FYN: variants seen among roughly 807,000 people sequenced by gnomAD.
The protein encoded by FYN is tyrosine-protein kinase Fyn.
Under a neutral mutation model 70.2 loss-of-function variants are expected in FYN, and 10 were observed. The ratio of observed to expected loss-of-function variants is 0.14; its 90% CI spans 0.09 to 0.24. The LOEUF (loss-of-function observed/expected upper bound fraction) is 0.24, where lower values mean the gene tolerates loss of function less well. Among genes scored for constraint, FYN ranks in the 10% least tolerant of loss-of-function variants. The pLI, the probability that FYN is intolerant of heterozygous loss-of-function variation, is 1.00. For missense variants in FYN, 319 were observed against 673.1 expected (o/e 0.47, Z 5.82); for synonymous variants, 236 against 248.6 (o/e 0.95, Z 0.48).
At chr6:111,791,801 T>C (rs1207542210) in intron 2 of FYN, among the ~76,000 whole-genome samples, 2 of 152,214 alleles carry the variant, frequency 1.3e-5, no homozygotes, top group Non-Finnish European at 2.9e-5. Context: ...GGCACATTGT[T>C]ATAATAGCCT....
intron 2 of FYN, among the ~76,000 whole-genome samples, chr6:111,815,104 G>C (rs1278662294): frequency 2.6e-5 from 4 of 152,148 alleles, no homozygotes; most frequent in African/African-American, 9.7e-5. Context: ...AACAGAACTA[G>C]CTCATGAAAT....
At chr6:111,746,903 T>C (rs955762253) in intron 3 of FYN, among the ~76,000 whole-genome samples, 3 of 152,068 alleles carry the variant, frequency 2.0e-5, no homozygotes, top group African/African-American at 7.2e-5. Flanking sequence ...GAATCCCTTA[T>C]ATTGTCTTAG....
At chr6:111,862,122 C>T (rs187379099) in intron 1 of FYN, among the ~76,000 whole-genome samples, 58 of 152,278 alleles carry the variant, frequency 3.8e-4, no homozygotes, top group African/African-American at 7.7e-4. Flanking sequence ...ATTGTTCTCT[C>T]GCCCATCATT....
intron 1 of FYN, among the ~76,000 whole-genome samples, chr6:111,853,436 T>C (rs1773741103): frequency 6.6e-6 from 1 of 152,024 alleles, no homozygotes; most frequent in Admixed American, 6.5e-5. Context: ...CATGTCCCCT[T>C]CTGACAAAGA....
Position 111,700,123 on chromosome 6 carries a change from C to T in FYN, c.843G>A (p.Gln281=). 6.2e-7 allele frequency: 1 copy of T among 1,614,114 alleles called. No homozygotes were observed. Among genetic ancestry groups the T allele is most frequent in the Non-Finnish European group, 8.5e-7 (1 of 1,180,002 alleles). ...LQLIKRLGNG[Q]FGEVWMGTWN... ...GCATACCCATCCATACTTCCCCAAA[C>T]TGCCCATTTCCCAGTCTCTTGATCA... Residue 281 remains glutamine, a synonymous_variant, in exon 9 of 14, where the codon CAG becomes CAA. Coordinates refer to ENST00000354650, the MANE Select transcript of FYN (RefSeq NM_002037.5).
rs1247119741 is a variant in FYN, at chr6:111,873,092, C to G, written c.-247G>C. 3 of 147,188 alleles carry G rather than the reference C, an allele frequency of 2.0e-5. No homozygotes were observed. Among genetic ancestry groups the G allele is most frequent in the Non-Finnish European group, 3.0e-5 (2 of 66,082 alleles). 9.1% of individuals were successfully genotyped at this position (147,188 alleles called of 1,614,324 possible). On this transcript the variant is annotated 5_prime_UTR_variant, in exon 1 of 14. Coordinates refer to ENST00000354650, the MANE Select transcript of FYN (RefSeq NM_002037.5). ...GAGCCGGTGGGCCTTCCGAGAGCACCGAGGGGGCGGCGCCGGGGTGTCCCC... is the reference window on the plus strand; with the variant it reads ...GAGCCGGTGGGCCTTCCGAGAGCACGGAGGGGGCGGCGCCGGGGTGTCCCC...
intron 2 of FYN, chr6:111,793,784 C>G (rs1771712887): frequency 6.6e-6 from 1 of 152,208 alleles, no homozygotes; most frequent in South Asian, 2.1e-4. Context: ...TATCATTAGC[C>G]ATGTGCTCCA....
chr6:111,807,106 A>G (rs765352263), intron 2 of FYN, among the ~76,000 whole-genome samples: 1 of 152,196 alleles, frequency 6.6e-6, no homozygotes, highest in South Asian at 2.1e-4. Flanking sequence ...TACTCATTTC[A>G]TGGGCTTATA....
rs1410815859 is a variant in FYN, at chr6:111,660,503, T to C, written c.*1236A>G. On this transcript the variant is annotated 3_prime_UTR_variant, in exon 14 of 14. Transcript: ENST00000354650. ...TTTTGATTTGTTGTTGTTAAACATA[T>C]GTAATTTAAGGTTGGTACAAACAGC... is the stretch of plus-strand genomic sequence containing the variant. The C allele has an allele frequency of 2.6e-5, 4 of 152,242 alleles. No homozygotes were observed. Among genetic ancestry groups the C allele is most frequent in the Non-Finnish European group, 5.9e-5 (4 of 68,032 alleles). The allele number at this position is 152,242 out of a possible 1,614,324, so 9.4% of individuals were successfully genotyped here. A position where few individuals can be genotyped will look rare whatever the true frequency, so the allele number is the denominator to read the frequency against.
intron 6 of FYN, among the ~76,000 whole-genome samples, chr6:111,706,137 G>C (rs1403493832): frequency 6.6e-6 from 1 of 152,106 alleles, no homozygotes; most frequent in African/African-American, 2.4e-5. Context: ...CAAGACTTTT[G>C]TTATTTGCCT....
At chr6:111,767,077 C>T (rs1803253508) in intron 3 of FYN, among the ~76,000 whole-genome samples, 1 of 152,192 alleles carries the variant, frequency 6.6e-6, no homozygotes, top group Non-Finnish European at 1.5e-5. Context: ...AACAGCTGCT[C>T]TCAAATAACC....
At chr6:111,768,313 C>T (rs1803312067) in intron 3 of FYN, among the ~76,000 whole-genome samples, 1 of 152,200 alleles carries the variant, frequency 6.6e-6, no homozygotes, top group Admixed American at 6.5e-5. Flanking sequence ...TACATGTTTA[C>T]TGAGTGAATG....
At chr6:111,728,031 T>C (rs971451754) in intron 3 of FYN, among the ~76,000 whole-genome samples, 20 of 152,178 alleles carry the variant, frequency 1.3e-4, no homozygotes, top group Admixed American at 3.3e-4. Flanking sequence ...AAGACTGCAG[T>C]CAACTGAATG....
chr6:111,872,210 C>G (rs537265546), intron 1 of FYN, among the ~76,000 whole-genome samples: 8 of 152,164 alleles, frequency 5.3e-5, no homozygotes, highest in African/African-American at 1.9e-4. Context: ...CCTTCTGGCC[C>G]AGTCCCCTCC....
At chr6:111,723,844 G>C (rs1057361367) in intron 3 of FYN, among the ~76,000 whole-genome samples, 1 of 152,250 alleles carries the variant, frequency 6.6e-6, no homozygotes, top group South Asian at 2.1e-4. Flanking sequence ...TAGATCTCTG[G>C]GGCACCGGGA....
chr6:111,781,834 G>GAACTCAC (rs1771185739), intron 2 of FYN, among the ~76,000 whole-genome samples: 1 of 152,176 alleles, frequency 6.6e-6, no homozygotes, highest in Non-Finnish European at 1.5e-5. Context: ...AAATTGTTAT[G>GAACTCAC]AACATCTTTC....
At position 111,708,017 on chromosome 6, in the gene FYN, T is replaced by G. The variant is rs201959740; in HGVS notation, c.348A>C (p.Glu116Asp). Residue 116 changes from glutamate to aspartate, a missense_variant, in exon 6 of 14, where the codon GAA (glutamate) becomes GAC (aspartate). By Grantham distance (45) the Glu-to-Asp change is conservative (BLOSUM62 2). Transcript: ENST00000354650. ...GEKFQILNSS[E>D]GDWWEARSLT... ...AGGAGCGGGCTTCCCACCAATCTCC[T>G]TCCCTGTAAATAAAAAAGAAAAGTA... 1 of 1,611,150 alleles carries G rather than the reference T, an allele frequency of 6.2e-7. No homozygotes were observed. Among genetic ancestry groups the G allele is most frequent in the African/African-American group, 1.3e-5 (1 of 74,880 alleles).
At chr6:111,828,744 C>T (rs1272649637) in intron 2 of FYN, among the ~76,000 whole-genome samples, 1 of 151,968 alleles carries the variant, frequency 6.6e-6, no homozygotes, top group Non-Finnish European at 1.5e-5. Context: ...TTGCCAGGGG[C>T]TAGGGGAATG....
intron 2 of FYN, among the ~76,000 whole-genome samples, chr6:111,833,041 A>C (rs7761265): frequency 6.6e-6 from 1 of 152,162 alleles, no homozygotes; most frequent in African/African-American, 2.4e-5. Flanking sequence ...AAATCTAGAT[A>C]TGAAAGAATG....
Sources: allele counts gnomAD v4.1 joint callset (sites outside exome capture counted in the v4.1 genomes callset), GRCh38; gene constraint gnomAD v4.1.1; transcripts MANE v1.5; gene names NCBI Gene and HGNC (gene_info 2026-07-23, HGNC 2026-07-21).